The following EIF2B3 variants were observed in gnomAD, a reference collection of about 807,000 sequenced individuals.
The protein encoded by EIF2B3 is eukaryotic translation initiation factor 2B subunit gamma, also known as translation initiation factor eIF2B subunit gamma.
A neutral mutation model predicts 54.1 loss-of-function variants in EIF2B3; 20 were observed. The ratio of observed to expected loss-of-function variants is 0.37; its 90% CI spans 0.26 to 0.54. EIF2B3 has a LOEUF of 0.54. EIF2B3 is among the 20% of genes least tolerant of loss of function. EIF2B3 has a pLI of 0.86. For missense variants in EIF2B3, 448 were observed against 547.8 expected (o/e 0.82, Z 1.82); for synonymous variants, 153 against 188.1 (o/e 0.81, Z 1.52).
intron 4 of EIF2B3, among the ~76,000 whole-genome samples, chr1:44,937,086 T>C (rs1643956309): frequency 6.6e-6 from 1 of 152,210 alleles, no homozygotes; most frequent in African/African-American, 2.4e-5. Flanking sequence ...AAACCATTTC[T>C]AAACATAAAA....
At chr1:44,953,595 G>A (rs1644192437) in intron 3 of EIF2B3, among the ~76,000 whole-genome samples, 1 of 151,984 alleles carries the variant, frequency 6.6e-6, no homozygotes, top group Non-Finnish European at 1.5e-5. Flanking sequence ...TGGGCAACAT[G>A]GCGAAAAAAA....
At chr1:44,967,992 T>G (rs944030737) in intron 3 of EIF2B3, among the ~76,000 whole-genome samples, 14 of 151,832 alleles carry the variant, frequency 9.2e-5, no homozygotes, top group African/African-American at 3.1e-4. Flanking sequence ...GAGCCGAGAT[T>G]GTGCCACTGC....
At chr1:44,958,593 C>G in intron 3 of EIF2B3, 1 of 1,458,218 alleles carries the variant, frequency 6.9e-7, no homozygotes, top group Admixed American at 1.7e-5. Context: ...TTGTAATTAT[C>G]AAAAGTGTGG....
In EIF2B3 at chr1:44,936,066, C is replaced by T. The variant is rs1436938315; in HGVS notation, c.454+5440G>A. 5.3e-5 allele frequency among the ~76,000 whole-genome samples: 8 copies of T among 151,140 alleles called. No individual in the cohort carries two copies. In the South Asian group the frequency reaches 6.3e-4, roughly 12 times the overall value. On this transcript the variant is annotated intron_variant, in intron 4 of 11. Coordinates refer to ENST00000360403, the MANE Select transcript of EIF2B3 (RefSeq NM_020365.5). ...CTCAGTAAGTAGTATCAAGCAATGG[C>T]GAGACAATGGCTGAATAATAATGGT... is the stretch of plus-strand genomic sequence containing the variant.
chr1:44,856,215 C>T (rs1654429794), intron 11 of EIF2B3, among the ~76,000 whole-genome samples: 1 of 151,964 alleles, frequency 6.6e-6, no homozygotes, highest in African/African-American at 2.4e-5. Context: ...TCCCAATTGT[C>T]TAATTAAGAA....
intron 11 of EIF2B3, among the ~76,000 whole-genome samples, chr1:44,852,924 T>C (rs757227722): frequency 1.3e-5 from 2 of 152,144 alleles, no homozygotes; most frequent in Non-Finnish European, 2.9e-5. Flanking sequence ...GATATGGTCA[T>C]ATAACTGGAG....
At chr1:44,946,629 T>TC (rs1451561720) in intron 3 of EIF2B3, among the ~76,000 whole-genome samples, 44 of 144,652 alleles carry the variant, frequency 3.0e-4, no homozygotes, top group South Asian at 1.1e-3. Flanking sequence ...TTCTTCTTCT[T>TC]TTTTTTTTTT....
intron 6 of EIF2B3, among the ~76,000 whole-genome samples, chr1:44,892,876 A>T (rs759062798): frequency 1.4e-4 from 22 of 152,146 alleles, no homozygotes; most frequent in Non-Finnish European, 2.5e-4. Context: ...TAGGACATCT[A>T]AGGATATGTA....
At chr1:44,857,999 A>T (rs189080133) in intron 10 of EIF2B3, among the ~76,000 whole-genome samples, 192 bp from the exon 11 acceptor site, 1 of 151,046 alleles carries the variant, frequency 6.6e-6, no homozygotes, top group Admixed American at 6.6e-5. Context: ...AGAAATCCAG[A>T]TTTGGGACTA....
At chr1:44,942,417 ATTTTTTTTTTTTTTTTT>A (rs34978668) in intron 3 of EIF2B3, among the ~76,000 whole-genome samples, 3 of 5,188 alleles carry the variant, frequency 5.8e-4, no homozygotes, top group Non-Finnish European at 7.7e-4. Context: ...ATATATATAT[ATTTTTTTTTTTTTTTTT>A]TTTTTTTTTT....
chr1:44,867,244 A>G (rs1201044657), intron 10 of EIF2B3, among the ~76,000 whole-genome samples: 1 of 152,036 alleles, frequency 6.6e-6, no homozygotes, highest in Non-Finnish European at 1.5e-5. Context: ...GTTGCTTGGG[A>G]CCAGGGGACC....
intron 6 of EIF2B3, among the ~76,000 whole-genome samples, chr1:44,894,904 A>G (rs1655915564): frequency 2.6e-5 from 4 of 152,284 alleles, no homozygotes; most frequent in Non-Finnish European, 1.5e-5. Context: ...AAGACCTTCT[A>G]CATGCTGCTA....
rs145163009 is a variant in EIF2B3, at chr1:44,872,565, G to A, written c.1202+2113C>T. Among the ~76,000 whole-genome samples the A allele has an allele frequency of 7.9e-3, 1,206 of 152,166 alleles. 10 individuals are homozygous for A. Among genetic ancestry groups the A allele is most frequent in the Non-Finnish European group, 0.013 (884 of 67,982 alleles). ...CCTGAGAAGCTGAGGCAGGAGGACT[G>A]TTGGAGCTCAGGAGTTTGAGGTTGT... On this transcript the variant is annotated intron_variant, in intron 10 of 11. Transcript: ENST00000360403.
At chr1:44,857,418 C>T (rs190961393) in intron 11 of EIF2B3, among the ~76,000 whole-genome samples, 1 of 152,056 alleles carries the variant, frequency 6.6e-6, no homozygotes, top group African/African-American at 2.4e-5. Context: ...GTAATTCCAG[C>T]GACTCAGGAG....
chr1:44,882,592 A>G (rs563651259), intron 6 of EIF2B3, among the ~76,000 whole-genome samples: 116 of 151,034 alleles, frequency 7.7e-4, no homozygotes, highest in African/African-American at 2.8e-3. Flanking sequence ...CTGGGATTAC[A>G]GGTGTGAGAG....
chr1:44,958,909 T>C (rs1569842949), intron 3 of EIF2B3: 1 of 800,968 alleles, frequency 1.2e-6, no homozygotes, highest in South Asian at 1.4e-5. Flanking sequence ...GAGGGCCATC[T>C]GAAACAGACG....
chr1:44,892,075 G>A (rs1293869824), intron 6 of EIF2B3, among the ~76,000 whole-genome samples: 5 of 152,060 alleles, frequency 3.3e-5, no homozygotes, highest in Non-Finnish European at 4.4e-5. Flanking sequence ...GCTTAGAGAG[G>A]TTAACTATCT....
chr1:44,932,939 TG>T (rs1294751805), intron 4 of EIF2B3, among the ~76,000 whole-genome samples: 1 of 152,080 alleles, frequency 6.6e-6, no homozygotes, highest in African/African-American at 2.4e-5. Context: ...ACAGAAAATG[TG>T]GGTATAAAGT....
At chr1:44,954,506 C>T (rs778059001) in intron 3 of EIF2B3, among the ~76,000 whole-genome samples, 38 of 152,170 alleles carry the variant, frequency 2.5e-4, no homozygotes, top group Non-Finnish European at 4.7e-4. Context: ...TGTGAATGGG[C>T]GTTAACTCAT....
Sources: allele counts gnomAD v4.1 joint callset (sites outside exome capture counted in the v4.1 genomes callset), GRCh38; gene constraint gnomAD v4.1.1; transcripts MANE v1.5; gene names NCBI Gene and HGNC (gene_info 2026-07-23, HGNC 2026-07-21).